DNAJC13: variants seen among roughly 807,000 people sequenced by gnomAD.
DNAJC13 encodes DnaJ heat shock protein family (Hsp40) member C13.
A neutral mutation model predicts 290.5 loss-of-function variants in DNAJC13; 75 were observed. The observed-to-expected ratio is 0.26, with a 90% CI of 0.21 to 0.31. The LOEUF (loss-of-function observed/expected upper bound fraction) is 0.31. Among genes scored for constraint, DNAJC13 ranks in the 10% least tolerant of loss-of-function variants. DNAJC13 has a pLI of 1.00. For missense variants in DNAJC13, 2,260 were observed against 2,674.5 expected (o/e 0.85, Z 3.42); for synonymous variants, 862 against 892.0 (o/e 0.97, Z 0.60).
intron 51 of DNAJC13, among the ~76,000 whole-genome samples, chr3:132,525,305 A>T (rs1335477880): frequency 2.0e-5 from 3 of 152,152 alleles, no homozygotes; most frequent in African/African-American, 7.2e-5. Context: ...GCGCCATTGC[A>T]CTCCAGCCTG....
In DNAJC13 at chr3:132,483,379, A is replaced by G. The variant is rs754586716; in HGVS notation, c.2984A>G (p.Gln995Arg). The G allele has an allele frequency of 6.2e-7, 1 of 1,614,028 alleles. No homozygotes were observed. ...RSGPYGFHEM[Q>R]ELWTKGMLNA... The stretch of plus-strand genomic sequence containing the variant: ...ATAATGCCTTCCATCCATTAGATGC[A>G]AGAATTGTGGACCAAAGGAATGTTA... The change falls in exon 28 of 56, where the codon CAA becomes CGA. Residue 995 changes from glutamine to arginine, a missense_variant. By Grantham distance (43) the Gln-to-Arg change is conservative. Around this residue, in one of 3 missense-constraint regions of DNAJC13, gnomAD observed 1,494 missense variants for 1,693.7 expected, o/e 0.88. Coordinates refer to ENST00000260818, the MANE Select transcript of DNAJC13 (RefSeq NM_015268.4).
In DNAJC13 at chr3:132,448,063, A is replaced by C. The variant is rs985140763; in HGVS notation, c.336+124A>C. On this transcript the variant is annotated intron_variant, in intron 5 of 55. Transcript: ENST00000260818. ...CTAAAGGGAAAAGAAACAAAATTGT[A>C]ATGTCTCCTGATATCATGTTATGTA... 6.3e-6 allele frequency: 4 copies of C among 632,198 alleles called. No individual in the cohort carries two copies. In the African/African-American group the frequency reaches 7.5e-5, roughly 12 times the overall value. 39.2% of individuals were successfully genotyped at this position (632,198 alleles called of 1,614,324 possible).
intron 54 of DNAJC13, 52 bp downstream of exon 54, chr3:132,528,384 C>T (rs778707401): frequency 1.2e-6 from 2 of 1,603,908 alleles, no homozygotes; most frequent in African/African-American, 2.7e-5. Flanking sequence ...GGGTCTTGGC[C>T]ATGGATGGTC....
chr3:132,530,913 G>A (rs1936394711), intron 54 of DNAJC13, 85 bp from the exon 55 acceptor site: 2 of 1,203,812 alleles, frequency 1.7e-6, no homozygotes, highest in Non-Finnish European at 2.4e-6. Context: ...CTTCTTCCTT[G>A]TTGCTTTGGA....
chr3:132,512,648 G>A (rs1935811623), intron 44 of DNAJC13, among the ~76,000 whole-genome samples: 1 of 152,136 alleles, frequency 6.6e-6, no homozygotes. Flanking sequence ...GAGTCTCCCA[G>A]AATATAATTA....
At chr3:132,498,835 C>T (rs1438134426) in intron 36 of DNAJC13, among the ~76,000 whole-genome samples, 1 of 152,082 alleles carries the variant, frequency 6.6e-6, no homozygotes, top group East Asian at 1.9e-4. Flanking sequence ...CCTGCCTCAG[C>T]CTCCCGAGTA....
intron 20 of DNAJC13, among the ~76,000 whole-genome samples, chr3:132,469,584 G>T (rs11717110): frequency 6.6e-6 from 1 of 152,044 alleles, no homozygotes; most frequent in African/African-American, 2.4e-5. Flanking sequence ...TTGTCCTGGC[G>T]GGGAGGAGGG....
At position 132,467,997 on chromosome 3, in the gene DNAJC13, T is replaced by C. The variant is rs78056377; in HGVS notation, c.2208+684T>C. On this transcript the variant is annotated intron_variant, in intron 20 of 55. Coordinates refer to ENST00000260818, the MANE Select transcript of DNAJC13 (RefSeq NM_015268.4). ...AAGGTGCTCTTCCTGTTAGCCTTTT[T>C]ATTCAGAACTAGCCAGACAAGTGTT... is the stretch of plus-strand genomic sequence containing the variant. Among the ~76,000 whole-genome samples the C allele has an allele frequency of 8.1e-3, 1,227 of 152,348 alleles. 12 individuals carry two copies. The highest frequency in any genetic ancestry group is 0.026 in the African/African-American group (1,079 of 41,578).
At chr3:132,431,673 C>CA (rs1260677364) in intron 1 of DNAJC13, among the ~76,000 whole-genome samples, 2 of 152,132 alleles carry the variant, frequency 1.3e-5, no homozygotes, top group Admixed American at 6.5e-5. Flanking sequence ...TATGTTCACA[C>CA]AAAAACTCAT....
At chr3:132,433,649 CT>C (rs568528784) in intron 1 of DNAJC13, among the ~76,000 whole-genome samples, 80 of 152,162 alleles carry the variant, frequency 5.3e-4, no homozygotes, top group Non-Finnish European at 9.8e-4. Context: ...ATGGCCAGCA[CT>C]TAGTAGCTCA....
intron 1 of DNAJC13, among the ~76,000 whole-genome samples, chr3:132,432,597 A>T (rs1939271274): frequency 6.6e-6 from 1 of 152,236 alleles, no homozygotes; most frequent in African/African-American, 2.4e-5. Context: ...ACTTTTATTC[A>T]AAATGAAGTA....
At chr3:132,469,019 A>G (rs889423882) in intron 20 of DNAJC13, among the ~76,000 whole-genome samples, 2 of 152,196 alleles carry the variant, frequency 1.3e-5, no homozygotes, top group African/African-American at 4.8e-5. Context: ...AGGGAAAAGG[A>G]TATTTTTAAT....
In DNAJC13 at chr3:132,453,327, G is replaced by T; in HGVS notation, c.567G>T (p.Glu189Asp). ...TATTTGCGTCAGAGCAAAGAGAAGA[G>T]ATTATTAAAAGTGCAATAGACCATG... ...LHLFASEQRE[E>D]IIKSAIDHAG... The change falls in exon 7 of 56, where the codon GAG (glutamate) becomes GAT (aspartate). Residue 189 changes from glutamate (E) to aspartate (D), a missense_variant. Around this residue, in one of 3 missense-constraint regions of DNAJC13, gnomAD observed 762 missense variants for 964.1 expected, o/e 0.79. Transcript: ENST00000260818. 6.2e-7 allele frequency: 1 copy of T among 1,613,680 alleles called. No individual in the cohort carries two copies. Among genetic ancestry groups the T allele is most frequent in the South Asian group, 1.1e-5 (1 of 91,046 alleles).
At chr3:132,462,420 T>C (rs1328722541) in intron 15 of DNAJC13, 47 bp from the exon 16 acceptor site, 2 of 1,567,508 alleles carry the variant, frequency 1.3e-6, no homozygotes, top group Non-Finnish European at 1.7e-6. Flanking sequence ...TGTGTTGGAA[T>C]AAAATTCTTT....
chr3:132,506,958 G>A (rs368980790), intron 42 of DNAJC13, among the ~76,000 whole-genome samples: 25 of 152,186 alleles, frequency 1.6e-4, no homozygotes, highest in African/African-American at 1.7e-4. Context: ...AGAATAAAGC[G>A]TCATACTTGC....
chr3:132,439,459 G>A (rs1393204040), intron 2 of DNAJC13, among the ~76,000 whole-genome samples: 16 of 146,036 alleles, frequency 1.1e-4, no homozygotes, highest in South Asian at 4.3e-4. Context: ...TTTTCCCCTC[G>A]CTCTTGACCC....
chr3:132,490,291 C>T (rs1163809220), intron 31 of DNAJC13, among the ~76,000 whole-genome samples: 1 of 152,156 alleles, frequency 6.6e-6, no homozygotes, highest in East Asian at 1.9e-4. Context: ...TAAATCCTAG[C>T]TAGCCCTTGG....
Position 132,460,323 on chromosome 3 carries a change from T to C in DNAJC13, c.1523T>C (p.Leu508Pro). 2 of 1,612,640 alleles carry C rather than the reference T, an allele frequency of 1.2e-6. No individual in the cohort carries two copies. Among genetic ancestry groups the C allele is most frequent in the South Asian group, 2.2e-5 (2 of 90,994 alleles). ...KASLLSSKKF[L>P]ENLLEKFNSH... The stretch of plus-strand genomic sequence containing the variant: ...TCTCTTCTCTCGTCAAAGAAGTTTC[T>C]GGAAAACTTACTGGAGAAATTTAAT... Residue 508 changes from leucine (L) to proline (P), a missense_variant, in exon 14 of 56, where the codon CTG (leucine) becomes CCG (proline). Transcript: ENST00000260818.
chr3:132,535,224 C>T (rs1936553401), intron 55 of DNAJC13, among the ~76,000 whole-genome samples: 1 of 152,158 alleles, frequency 6.6e-6, no homozygotes, highest in Admixed American at 6.5e-5. Flanking sequence ...ACTACGTTTT[C>T]TTCTCTCTGG....
Sources: allele counts gnomAD v4.1 joint callset (sites outside exome capture counted in the v4.1 genomes callset), GRCh38; gene constraint gnomAD v4.1.1; regional missense constraint gnomAD v4.1.1; transcripts MANE v1.5; gene names NCBI Gene and HGNC (gene_info 2026-07-23, HGNC 2026-07-21).